The following FGF13 variants were observed in gnomAD, a reference collection of about 807,000 sequenced individuals.
FGF13 encodes the protein fibroblast growth factor homologous factor 2.
FGF13 carries 2 observed loss-of-function variants against 19.5 expected under a neutral mutation model. The observed-to-expected ratio is 0.10, with a 90% CI of 0.04 to 0.32. FGF13 has a LOEUF of 0.32. Ranked by LOEUF, FGF13 falls within the 10% of genes least tolerant of loss-of-function variation. FGF13 has a pLI of 1.00. For synonymous variants in FGF13, 72 were observed against 76.9 expected (o/e 0.94, Z 0.33); for missense variants, 113 against 192.7 (o/e 0.59, Z 2.45).
At chrX:138,930,051 C>A (rs779762471) in intron 1 of FGF13, among the ~76,000 whole-genome samples, 150 of 111,682 alleles carry the variant, frequency 1.3e-3, no homozygotes, top group African/African-American at 4.8e-3. Flanking sequence ...TTTACTTTTT[C>A]AAAAGTCCTC....
chrX:138,784,682 G>T (rs1287382749), intron 3 of FGF13, among the ~76,000 whole-genome samples: 1 of 111,094 alleles, frequency 9.0e-6, no homozygotes, highest in East Asian at 2.8e-4. Context: ...ATTTTAGCAA[G>T]ACCTGCAAGG....
At chrX:138,775,861 G>A (rs2090583709) in intron 3 of FGF13, among the ~76,000 whole-genome samples, 2 of 112,372 alleles carry the variant, frequency 1.8e-5, no homozygotes, top group Non-Finnish European at 3.8e-5. Flanking sequence ...GCTTTCTCAG[G>A]GACTTTCAAA....
chrX:139,136,571 G>A (rs1269302860), intron 1 of FGF13, among the ~76,000 whole-genome samples: 1 of 111,704 alleles, frequency 9.0e-6, no homozygotes, highest in East Asian at 2.8e-4. Context: ...ACAACAAAAG[G>A]ATACAAAGCA....
chrX:138,835,044 TTTTC>T (rs1466534424), intron 3 of FGF13, among the ~76,000 whole-genome samples: 10 of 112,188 alleles, frequency 8.9e-5, no homozygotes, highest in African/African-American at 3.2e-4. Context: ...ATTGCAGTTA[TTTTC>T]CATTTGCTGA....
chrX:139,177,110 T>C (rs2084192830), intron 1 of FGF13, among the ~76,000 whole-genome samples: 1 of 111,303 alleles, frequency 9.0e-6, no homozygotes, highest in African/African-American at 3.3e-5. Context: ...TGGGTGCATA[T>C]ATATTTAGGA....
At chrX:138,946,440 G>A (rs1205812608) in intron 1 of FGF13, among the ~76,000 whole-genome samples, 1 of 112,027 alleles carries the variant, frequency 8.9e-6, no homozygotes, top group African/African-American at 3.2e-5. Flanking sequence ...AATTTAAAGT[G>A]AATGAACTCA....
At chrX:139,101,379 G>A (rs2083512293) in intron 1 of FGF13, among the ~76,000 whole-genome samples, 1 of 112,557 alleles carries the variant, frequency 8.9e-6, no homozygotes, top group South Asian at 3.7e-4. Context: ...AAAAACCTGT[G>A]TGATTTATCT....
At chrX:138,800,405 A>G (rs1379326856) in intron 3 of FGF13, among the ~76,000 whole-genome samples, 2 of 111,033 alleles carry the variant, frequency 1.8e-5, no homozygotes, top group Non-Finnish European at 3.8e-5. Context: ...ATTGGACCCC[A>G]CTCTCTTCTG....
chrX:138,630,480 G>A lies in FGF13; in HGVS notation c.*2370C>T, dbSNP rs1178461938. The A allele has an allele frequency of 1.8e-5, 2 of 110,443 alleles. No homozygotes were observed. Among genetic ancestry groups the A allele is most frequent in the Non-Finnish European group, 3.8e-5 (2 of 52,947 alleles). The allele number at this position is 110,443 out of a possible 1,213,427, so 9.1% of individuals were successfully genotyped here. ...ATGGTACAAAGGATCCTGCATCCAA[G>A]ATAGCTAGGCAGGTGAGCGTACCTC... On this transcript the variant is annotated 3_prime_UTR_variant, in exon 5 of 5. Transcript: ENST00000315930.
intron 3 of FGF13, among the ~76,000 whole-genome samples, chrX:138,802,521 T>A (rs142882472): frequency 0.014 from 1,618 of 111,873 alleles, 34 homozygotes; most frequent in African/African-American, 0.05. Flanking sequence ...AGCTGCAGAC[T>A]GGAGCTGTTC....
intron 2 of FGF13, among the ~76,000 whole-genome samples, chrX:138,862,311 C>T (rs367628740): frequency 3.6e-4 from 40 of 111,569 alleles, no homozygotes; most frequent in African/African-American, 1.2e-3. Context: ...TTAACTCTTC[C>T]GAAAGATAAC....
At chrX:138,811,956 T>C (rs1031451730) in intron 3 of FGF13, among the ~76,000 whole-genome samples, 7 of 110,593 alleles carry the variant, frequency 6.3e-5, no homozygotes, top group Non-Finnish European at 1.1e-4. Flanking sequence ...TTTTTTTTTT[T>C]ACAGTTCAGT....
chrX:139,060,228 T>C (rs1396143390), intron 1 of FGF13, among the ~76,000 whole-genome samples: 3 of 111,287 alleles, frequency 2.7e-5, no homozygotes, highest in Non-Finnish European at 3.8e-5. Flanking sequence ...TTTATATTTA[T>C]ATTATTGTTT....
intron 1 of FGF13, among the ~76,000 whole-genome samples, chrX:139,069,132 T>C (rs2092367535): frequency 9.9e-6 from 1 of 101,204 alleles, no homozygotes; most frequent in Non-Finnish European, 2.0e-5. Flanking sequence ...CAAAGGACTA[T>C]AAATCATGCT....
intron 1 of FGF13, among the ~76,000 whole-genome samples, chrX:138,961,565 G>A (rs960920477): frequency 1.5e-4 from 17 of 111,274 alleles, no homozygotes; most frequent in African/African-American, 4.2e-4. Context: ...AGTTTCTGCC[G>A]CCTTTTGTTC....
chrX:139,096,612 A>G (rs1351930186), intron 1 of FGF13, among the ~76,000 whole-genome samples: 2 of 111,885 alleles, frequency 1.8e-5, no homozygotes, highest in African/African-American at 6.5e-5. Context: ...ATGTTTAATA[A>G]CATTGATTTA....
At chrX:138,967,523 T>C (rs969070391) in intron 1 of FGF13, among the ~76,000 whole-genome samples, 2 of 110,984 alleles carry the variant, frequency 1.8e-5, no homozygotes, top group Non-Finnish European at 3.8e-5. Flanking sequence ...AAAGTAAAAC[T>C]GGACAAGGAG....
At chrX:139,112,334 T>G (rs908147465) in intron 1 of FGF13, among the ~76,000 whole-genome samples, 41 of 111,394 alleles carry the variant, frequency 3.7e-4, no homozygotes, top group African/African-American at 1.3e-3. Context: ...TAGTAGGCTC[T>G]CCATAATCAT....
intron 1 of FGF13, among the ~76,000 whole-genome samples, chrX:139,126,863 C>T (rs1028339001): frequency 1.9e-4 from 21 of 111,501 alleles, no homozygotes; most frequent in African/African-American, 6.9e-4. Flanking sequence ...TTGTCTGAGC[C>T]ACATCCCAGT....
Sources: allele counts gnomAD v4.1 joint callset (sites outside exome capture counted in the v4.1 genomes callset), GRCh38; gene constraint gnomAD v4.1.1; transcripts MANE v1.5; gene names NCBI Gene and HGNC (gene_info 2026-07-23, HGNC 2026-07-21).